The following PTPRD variants were observed in gnomAD, a reference collection of about 807,000 sequenced individuals.
PTPRD encodes receptor-type tyrosine-protein phosphatase delta.
Under a neutral mutation model 214.5 loss-of-function variants are expected in PTPRD, and 34 were observed. The observed-to-expected ratio is 0.16, with a 90% CI of 0.12 to 0.21. The LOEUF (loss-of-function observed/expected upper bound fraction) is 0.21, where lower values mean the gene tolerates loss of function less well. Ranked by LOEUF, PTPRD falls within the 10% of genes least tolerant of loss-of-function variation. The pLI, the probability that PTPRD is intolerant of heterozygous loss-of-function variation, is 1.00. For missense variants in PTPRD, 2,545 were observed against 2,398.7 expected (o/e 1.06, Z -1.27); for synonymous variants, 1,128 against 845.7 (o/e 1.33, Z -5.79).
At chr9:8,326,119 A>T (rs556188452) in intron 44 of PTPRD, among the ~76,000 whole-genome samples, 137 of 152,310 alleles carry the variant, frequency 9.0e-4, no homozygotes, top group African/African-American at 3.2e-3. Flanking sequence ...GAATAGGAGC[A>T]GTGAGAGAGG....
chr9:9,321,374 G>A (rs1463431255), intron 9 of PTPRD, among the ~76,000 whole-genome samples: 3 of 151,998 alleles, frequency 2.0e-5, no homozygotes, highest in African/African-American at 7.3e-5. Context: ...TGACCAATAT[G>A]GTGAAACCCC....
chr9:8,798,790 A>C (rs1307841110), intron 11 of PTPRD, among the ~76,000 whole-genome samples: 1 of 152,168 alleles, frequency 6.6e-6, no homozygotes. Context: ...ATCATATTTA[A>C]TAAATACAGT....
intron 9 of PTPRD, among the ~76,000 whole-genome samples, chr9:9,296,127 T>G (rs1207390402): frequency 6.6e-6 from 1 of 151,748 alleles, no homozygotes; most frequent in African/African-American, 2.4e-5. Flanking sequence ...TAATGGGGTT[T>G]AGAGTTATGA....
chr9:9,332,778 A>G (rs1383190088), intron 9 of PTPRD, among the ~76,000 whole-genome samples: 1 of 151,896 alleles, frequency 6.6e-6, no homozygotes, highest in Non-Finnish European at 1.5e-5. Context: ...AGTTGTAATG[A>G]AAGAGTTGTC....
In PTPRD at chr9:9,670,392, T is replaced by C. The variant is rs117600556; in HGVS notation, c.-287+64141A>G. 2.8e-3 allele frequency among the ~76,000 whole-genome samples: 420 copies of C among 152,230 alleles called. 5 individuals carry two copies. The highest frequency in any genetic ancestry group is 4.6e-3 in the Non-Finnish European group (314 of 68,020). On this transcript the variant is annotated intron_variant, in intron 7 of 45. Transcript: ENST00000381196. ...AGCAGAGCATAAAAGTTAAGAAAATTTCCAGCCTGGCAAAGTGATAGAAAA... is the reference window on the plus strand; with the variant it reads ...AGCAGAGCATAAAAGTTAAGAAAATCTCCAGCCTGGCAAAGTGATAGAAAA...
At chr9:10,599,176 A>G (rs990038170) in intron 2 of PTPRD, among the ~76,000 whole-genome samples, 3 of 151,722 alleles carry the variant, frequency 2.0e-5, no homozygotes, top group African/African-American at 7.3e-5. Flanking sequence ...TCCCTAGGTG[A>G]TGATCGAGCA....
At chr9:8,726,842 G>A (rs539984782) in intron 12 of PTPRD, among the ~76,000 whole-genome samples, 111 of 148,842 alleles carry the variant, frequency 7.5e-4, no homozygotes, top group African/African-American at 2.4e-3. Flanking sequence ...ATGGTGGCGC[G>A]TGCCTGTAGT....
At chr9:8,844,583 AATAATCC>A (rs1191996029) in intron 11 of PTPRD, among the ~76,000 whole-genome samples, 3 of 152,224 alleles carry the variant, frequency 2.0e-5, no homozygotes, top group African/African-American at 7.2e-5. Context: ...CCATCTGTAC[AATAATCC>A]ATTGTCTGCT....
intron 11 of PTPRD, chr9:8,858,458 T>G (rs1394550902): frequency 6.6e-6 from 1 of 152,326 alleles, no homozygotes; most frequent in Non-Finnish European, 1.5e-5. Flanking sequence ...AACCTGGTAG[T>G]TACGGCTGCA....
At chr9:8,630,688 T>A (rs1056315932) in intron 14 of PTPRD, among the ~76,000 whole-genome samples, 1 of 151,882 alleles carries the variant, frequency 6.6e-6, no homozygotes, top group Non-Finnish European at 1.5e-5. Context: ...GATGTTCACA[T>A]AGAAAGTTGA....
chr9:8,634,885 C>T (rs2096379705), intron 13 of PTPRD, among the ~76,000 whole-genome samples: 1 of 151,450 alleles, frequency 6.6e-6, no homozygotes, highest in Admixed American at 6.6e-5. Context: ...CATTACACGC[C>T]AGTGATGTAA....
At chr9:10,468,139 T>C (rs1387442433) in intron 2 of PTPRD, among the ~76,000 whole-genome samples, 1 of 152,158 alleles carries the variant, frequency 6.6e-6, no homozygotes, top group East Asian at 1.9e-4. Context: ...GACCCAGCCA[T>C]CCTGTTACTG....
chr9:10,316,149 G>GTA (rs1314820658), intron 3 of PTPRD, among the ~76,000 whole-genome samples: 1 of 137,550 alleles, frequency 7.3e-6, no homozygotes, highest in African/African-American at 2.9e-5. Flanking sequence ...ACATACATAT[G>GTA]TATATATGTA....
At chr9:10,558,672 G>A (rs1258833370) in intron 2 of PTPRD, among the ~76,000 whole-genome samples, 1 of 152,080 alleles carries the variant, frequency 6.6e-6, no homozygotes, top group African/African-American at 2.4e-5. Flanking sequence ...TCCCAAAGGG[G>A]GGAGTTTCTT....
chr9:8,404,156 T>C, intron 36 of PTPRD, among the ~76,000 whole-genome samples: 1 of 152,192 alleles, frequency 6.6e-6, no homozygotes, highest in South Asian at 2.1e-4. Context: ...GGAGTCTCAC[T>C]CTGTTGCCCA....
intron 9 of PTPRD, among the ~76,000 whole-genome samples, chr9:9,317,998 C>T (rs1317645958): frequency 1.3e-5 from 2 of 151,918 alleles, no homozygotes; most frequent in Non-Finnish European, 2.9e-5. Context: ...ATGGAGAAAC[C>T]GTGTCTCTAC....
At chr9:8,732,313 A>G (rs2098668494) in intron 12 of PTPRD, among the ~76,000 whole-genome samples, 1 of 152,184 alleles carries the variant, frequency 6.6e-6, no homozygotes, top group East Asian at 1.9e-4. Flanking sequence ...TAACTTTAAG[A>G]AAAACTCTAG....
chr9:9,009,879 G>C (rs1226737283), intron 11 of PTPRD, among the ~76,000 whole-genome samples: 1 of 151,710 alleles, frequency 6.6e-6, no homozygotes, highest in Non-Finnish European at 1.5e-5. Context: ...ATTTTCACTA[G>C]CCTGCTTTCA....
At chr9:9,152,709 A>T (rs2099877890) in intron 10 of PTPRD, among the ~76,000 whole-genome samples, 2 of 152,140 alleles carry the variant, frequency 1.3e-5, no homozygotes, top group Non-Finnish European at 2.9e-5. Flanking sequence ...CTCATTTGTC[A>T]CCCAGTGGTT....
Sources: gnomAD v4.1 joint callset for allele counts (sites outside exome capture counted in the v4.1 genomes callset) on GRCh38, gnomAD v4.1.1 for gene constraint, MANE v1.5 for transcripts, NCBI Gene and HGNC (gene_info 2026-07-23, HGNC 2026-07-21) for gene names.